Variants in ANKRD26 observed in about 807,000 individuals in gnomAD.
The protein encoded by ANKRD26 is ankyrin repeat domain-containing protein 26.
Under a neutral mutation model 208.7 loss-of-function variants are expected in ANKRD26, and 141 were observed. That is an observed-to-expected ratio of 0.68 (90% CI 0.59 to 0.78). The LOEUF (loss-of-function observed/expected upper bound fraction) is 0.78, where lower values mean the gene tolerates loss of function less well. Ranked by LOEUF, ANKRD26 falls within the 30% of genes least tolerant of loss-of-function variation. The pLI is 0.00. For synonymous variants in ANKRD26, 636 were observed against 660.4 expected, an observed-to-expected ratio of 0.96 and a Z score of 0.57; for missense variants, 1,889 against 1,938.7, an observed-to-expected ratio of 0.97 and a Z score of 0.48.
downstream of ANKRD26, among the ~76,000 whole-genome samples, chr10:26,969,152 T>C (rs952992522): frequency 3.3e-5 from 5 of 152,170 alleles, no homozygotes; most frequent in Non-Finnish European, 7.3e-5. Flanking sequence ...ACTGATCCAC[T>C]AGGGTCAATG....
At chr10:27,065,305 T>C (rs1300030835) in intron 11 of ANKRD26, among the ~76,000 whole-genome samples, 2 of 152,216 alleles carry the variant, frequency 1.3e-5, no homozygotes, top group African/African-American at 2.4e-5. Context: ...CCCCACCTTG[T>C]ATATGCGGTG....
At chr10:26,966,332 G>A in the ANKRD26 span, among the ~76,000 whole-genome samples, 1 of 152,208 alleles carries the variant, frequency 6.6e-6, no homozygotes, top group African/African-American at 2.4e-5. Context: ...TCCTTTGCAG[G>A]GACATGGATG....
chr10:27,090,499 C>T (rs968987694), intron 4 of ANKRD26, among the ~76,000 whole-genome samples: 2 of 152,084 alleles, frequency 1.3e-5, no homozygotes, highest in Non-Finnish European at 2.9e-5. Context: ...TAGTATCTTG[C>T]CTGTCTGTGT....
chr10:27,037,198 T>C lies in ANKRD26; in HGVS notation c.2685A>G (p.Lys895=). 1 of 1,613,486 alleles carries C rather than the reference T, an allele frequency of 6.2e-7. No individual in the cohort carries two copies. Among genetic ancestry groups the C allele is most frequent in the Non-Finnish European group, 8.5e-7 (1 of 1,179,524 alleles). The part of the protein sequence containing the change: ...KQKEIEMAQK[K]MNSENSHSHE... Reference sequence around the variant, plus strand: ...GAAATAGAAATACCTCAGAATTCATTTTCTTTTGAGCCATTTCAATCTCCT... The same window carrying C: ...GAAATAGAAATACCTCAGAATTCATCTTCTTTTGAGCCATTTCAATCTCCT... The change falls in exon 23 of 34, where the codon AAA becomes AAG. Residue 895 remains lysine, a synonymous_variant. Coordinates refer to ENST00000376087, the MANE Select transcript of ANKRD26 (RefSeq NM_014915.3).
At chr10:27,039,344 C>G (rs543693418) in intron 21 of ANKRD26, among the ~76,000 whole-genome samples, 3 of 151,708 alleles carry the variant, frequency 2.0e-5, no homozygotes, top group African/African-American at 7.3e-5. Context: ...ATCCCAGCTT[C>G]TTGTGAGGCT....
At chr10:26,985,202 C>T (rs2052366200) in intron 3 of ANKRD26, among the ~76,000 whole-genome samples, 2 of 152,084 alleles carry the variant, frequency 1.3e-5, no homozygotes, top group African/African-American at 4.8e-5. Context: ...GAAAATGATC[C>T]TGGGCACCAT....
At chr10:26,983,879 A>AT (rs1268768468) in intron 3 of ANKRD26, among the ~76,000 whole-genome samples, 2 of 152,086 alleles carry the variant, frequency 1.3e-5, no homozygotes, top group African/African-American at 2.4e-5. Flanking sequence ...GATGTAATAC[A>AT]TTTTGGTGTT....
rs549579585 is a variant in ANKRD26, at chr10:26,985,474, T to C, written c.490-2661A>G. Among the ~76,000 whole-genome samples, 3 of 152,290 alleles carry C rather than the reference T, an allele frequency of 2.0e-5. No homozygotes were observed. The East Asian group carries it at 5.8e-4, about 29-fold the overall frequency. On this transcript the variant is annotated intron_variant and NMD_transcript_variant, in intron 3 of 5. Coordinates refer to the ANKRD26 transcript ENST00000674670. ...TTCTGTTTCCAAGTAGATTTCCCTC[T>C]CATTTGGGCTATGCTCTGGGTTTTC... is the stretch of plus-strand genomic sequence containing the variant.
chr10:27,027,438 G>A (rs1236711290), intron 27 of ANKRD26, among the ~76,000 whole-genome samples: 1 of 152,168 alleles, frequency 6.6e-6, no homozygotes, highest in East Asian at 1.9e-4. Context: ...AATATTAGCA[G>A]AGACTCAGAC....
rs1430650849 is a variant in ANKRD26 at position 27,016,099 on chromosome 10, C to A, written c.4507-1388G>T. On this transcript the variant is annotated intron_variant, in intron 30 of 33. Transcript: ENST00000376087. Reference sequence around the variant, plus strand: ...CTCCTGGGCTTACATGATCCTCTCACCTCAGCCTCCCAAGTACCTGGGACT... The same window carrying A: ...CTCCTGGGCTTACATGATCCTCTCAACTCAGCCTCCCAAGTACCTGGGACT... Among the ~76,000 whole-genome samples the A allele has an allele frequency of 3.3e-5, 5 of 152,302 alleles. No homozygotes were observed. The South Asian group carries it at 1.0e-3, about 32-fold the overall frequency.
Position 27,100,181 on chromosome 10 carries a change from T to C in ANKRD26, c.146A>G (p.Lys49Arg), listed in dbSNP as rs757680550. 2 of 1,614,092 alleles carry C rather than the reference T, an allele frequency of 1.2e-6. No homozygotes were observed. The highest frequency in any genetic ancestry group is 1.3e-5 in the African/African-American group (1 of 75,074). ...GYHVRDRDLG[K>R]IHKAASAGNV... ...ACCCGCGCTGGCAGCTTTGTGGATC[T>C]TGCCGAGATCTCGGTCTCGGACGTG... The change falls in exon 1 of 34, where the codon AAG becomes AGG. Residue 49 changes from lysine to arginine, a missense_variant. Physicochemically the swap from Lys to Arg is conservative, Grantham distance 26 (BLOSUM62 2). Around this residue, in one of 3 missense-constraint regions of ANKRD26, gnomAD observed 1,272 missense variants for 1,273.8 expected, o/e 1.00. Coordinates refer to ENST00000376087, the MANE Select transcript of ANKRD26 (RefSeq NM_014915.3).
chr10:26,989,838 G>A (rs937075222), downstream of ANKRD26, among the ~76,000 whole-genome samples: 3 of 152,166 alleles, frequency 2.0e-5, no homozygotes, highest in Non-Finnish European at 4.4e-5. Flanking sequence ...GCATGCAAGA[G>A]AAGGAAGGAA....
chr10:26,967,253 T>C, the ANKRD26 span, among the ~76,000 whole-genome samples: 600 of 152,284 alleles, frequency 3.9e-3, 5 homozygotes, highest in Non-Finnish European at 4.4e-3. Context: ...AAAGGACAGA[T>C]AGATAGATAT....
At chr10:27,080,642 C>T (rs1439471301) in intron 6 of ANKRD26, 3 of 985,298 alleles carry the variant, frequency 3.0e-6, no homozygotes, top group Non-Finnish European at 3.6e-6. Context: ...TATAAGCTCC[C>T]ACTTACAGAT....
exon 6 of ANKRD26, among the ~76,000 whole-genome samples, chr10:26,974,419 C>A (rs1032292691): frequency 1.3e-5 from 2 of 150,566 alleles, no homozygotes; most frequent in Non-Finnish European, 2.9e-5. Flanking sequence ...CAGCTCACTG[C>A]AAGCTCTGCC....
chr10:27,058,652 T>C (rs563761469), intron 15 of ANKRD26, among the ~76,000 whole-genome samples: 1 of 152,034 alleles, frequency 6.6e-6, no homozygotes, highest in South Asian at 2.1e-4. Context: ...CTCGGCTCAC[T>C]GCAACCTCCA....
rs200081716 is a variant in ANKRD26, at chr10:27,066,522, G to C, written c.1234C>G (p.Gln412Glu). The C allele has an allele frequency of 6.2e-7, 1 of 1,600,440 alleles. No homozygotes were observed. Among genetic ancestry groups the C allele is most frequent in the South Asian group, 1.1e-5 (1 of 90,344 alleles). ...CAAGGTGATTCTATATCTTCCTCTTGTCCTAATCCTAATGCGGACATCATA... is the reference window on the plus strand; with the variant it reads ...CAAGGTGATTCTATATCTTCCTCTTCTCCTAATCCTAATGCGGACATCATA... ...SDMMSALGLG[Q>E]EEDIESPWDS... The change falls in exon 11 of 34, where the codon CAA (glutamine) becomes GAA (glutamate). Residue 412 changes from glutamine (Q) to glutamate (E), a missense_variant. By Grantham distance (29) the Gln-to-Glu change is conservative. Coordinates refer to ENST00000376087, the MANE Select transcript of ANKRD26 (RefSeq NM_014915.3).
chr10:27,081,169 C>A (rs1201057795), intron 6 of ANKRD26, among the ~76,000 whole-genome samples: 2 of 152,182 alleles, frequency 1.3e-5, no homozygotes, highest in African/African-American at 4.8e-5. Context: ...AAAGCAACAA[C>A]CTGTTCAGGA....
chr10:27,020,066 C>T (rs566482834), intron 29 of ANKRD26, among the ~76,000 whole-genome samples: 28 of 152,112 alleles, frequency 1.8e-4, no homozygotes, highest in Admixed American at 5.9e-4. Flanking sequence ...AATCTAATGC[C>T]GAAGTCACAT....
Sources: allele counts gnomAD v4.1 joint callset (sites outside exome capture counted in the v4.1 genomes callset), GRCh38; gene constraint gnomAD v4.1.1; regional missense constraint gnomAD v4.1.1; transcripts MANE v1.5; gene names NCBI Gene and HGNC (gene_info 2026-07-23, HGNC 2026-07-21).